The following EPB41L4A variants were observed in gnomAD, a reference collection of about 807,000 sequenced individuals.
EPB41L4A encodes band 4.1-like protein 4A.
In EPB41L4A, 100 loss-of-function variants were observed where a neutral mutation model predicts 108.6. The observed-to-expected ratio is 0.92, with a 90% CI of 0.78 to 1.09. The LOEUF is 1.09. Among genes scored for constraint, EPB41L4A ranks in the 50% least tolerant of loss-of-function variants. The pLI is 0.00. For missense variants in EPB41L4A, 1,030 were observed against 842.7 expected (o/e 1.22, Z -2.75); for synonymous variants, 319 against 289.0 (o/e 1.10, Z -1.05).
At chr5:112,323,592 T>G (rs1425771833) in intron 1 of EPB41L4A, among the ~76,000 whole-genome samples, 1 of 152,108 alleles carries the variant, frequency 6.6e-6, no homozygotes, top group African/African-American at 2.4e-5. Context: ...AAATCTTATT[T>G]TATCAAAAAC....
At chr5:112,246,830 A>G (rs1374844557) in intron 9 of EPB41L4A, among the ~76,000 whole-genome samples, 1 of 152,060 alleles carries the variant, frequency 6.6e-6, no homozygotes, top group Non-Finnish European at 1.5e-5. Flanking sequence ...ATGAATGACT[A>G]TTTTTCCCTA....
chr5:112,283,477 G>A (rs1453843084), intron 2 of EPB41L4A, among the ~76,000 whole-genome samples: 1 of 152,150 alleles, frequency 6.6e-6, no homozygotes, highest in African/African-American at 2.4e-5. Context: ...CAATCAAACA[G>A]AGCACATGGA....
chr5:112,215,591 G>A (rs895436328), intron 12 of EPB41L4A, among the ~76,000 whole-genome samples: 19 of 151,778 alleles, frequency 1.3e-4, no homozygotes, highest in African/African-American at 2.7e-4. Flanking sequence ...GTGAAACCCC[G>A]TCTCTACTAA....
intron 1 of EPB41L4A, among the ~76,000 whole-genome samples, chr5:112,401,787 G>A (rs762901332): frequency 3.3e-5 from 5 of 152,156 alleles, no homozygotes; most frequent in Non-Finnish European, 5.9e-5. Context: ...CCAATGACAG[G>A]TGCATGCAGT....
At chr5:112,399,157 C>A (rs1444067500) in intron 1 of EPB41L4A, among the ~76,000 whole-genome samples, 2 of 152,104 alleles carry the variant, frequency 1.3e-5, no homozygotes, top group African/African-American at 4.8e-5. Flanking sequence ...CACATATCAC[C>A]AGCTCTTTCC....
intron 1 of EPB41L4A, among the ~76,000 whole-genome samples, chr5:112,394,377 G>A (rs1424371502): frequency 6.6e-6 from 1 of 152,198 alleles, no homozygotes; most frequent in Non-Finnish European, 1.5e-5. Flanking sequence ...AAGCTGACAA[G>A]CAACTTCAGC....
chr5:112,266,408 G>A (rs1751861332), intron 4 of EPB41L4A, 78 bp from the exon 5 acceptor site: 2 of 935,846 alleles, frequency 2.1e-6, no homozygotes, highest in Non-Finnish European at 3.2e-6. Context: ...GATAATCAAG[G>A]TTAACAACCA....
intron 13 of EPB41L4A, among the ~76,000 whole-genome samples, chr5:112,144,464 G>C (rs1043230804): frequency 1.3e-5 from 2 of 151,992 alleles, no homozygotes; most frequent in African/African-American, 4.8e-5. Flanking sequence ...TTTTTGTAGA[G>C]ATGAGTTTTG....
At chr5:112,401,539 T>C (rs922077592) in intron 1 of EPB41L4A, among the ~76,000 whole-genome samples, 1 of 152,240 alleles carries the variant, frequency 6.6e-6, no homozygotes, top group Non-Finnish European at 1.5e-5. Flanking sequence ...AATATGTATA[T>C]GGATTGCATA....
At chr5:112,266,598 T>C (rs1396768152) in intron 4 of EPB41L4A, among the ~76,000 whole-genome samples, 1 of 152,218 alleles carries the variant, frequency 6.6e-6, no homozygotes, top group Admixed American at 6.5e-5. Flanking sequence ...TCTGTAGCCT[T>C]AGGCTGCTGC....
chr5:112,150,322 G>A (rs546804622), intron 12 of EPB41L4A, among the ~76,000 whole-genome samples: 44 of 152,164 alleles, frequency 2.9e-4, no homozygotes, highest in African/African-American at 1.1e-3. Flanking sequence ...ACAAGTGACA[G>A]TCAGCTAAAA....
At chr5:112,207,319 A>C (rs1762520931) in intron 13 of EPB41L4A, among the ~76,000 whole-genome samples, 2 of 152,226 alleles carry the variant, frequency 1.3e-5, no homozygotes, top group Admixed American at 6.5e-5. Flanking sequence ...CAAACTATGA[A>C]AATACATCTT....
chr5:112,419,714 G>A (rs576063539), upstream of EPB41L4A: 4 of 456,742 alleles, frequency 8.8e-6, no homozygotes, highest in Admixed American at 4.7e-5. Context: ...AGCCGCAAGC[G>A]CCGAGGAGCC....
At chr5:112,301,504 C>A (rs1190994363) in intron 2 of EPB41L4A, among the ~76,000 whole-genome samples, 1 of 152,162 alleles carries the variant, frequency 6.6e-6, no homozygotes, top group Non-Finnish European at 1.5e-5. Flanking sequence ...TGTGAACCAT[C>A]TTCATGTCTC....
chr5:112,344,218 A>G (rs999780108), intron 1 of EPB41L4A, among the ~76,000 whole-genome samples: 1 of 152,242 alleles, frequency 6.6e-6, no homozygotes, highest in Non-Finnish European at 1.5e-5. Flanking sequence ...CTAAACTTTA[A>G]TTAAACAAGA....
rs1391737936 is a variant in EPB41L4A, at chr5:112,325,593, C to T, written c.100-18103G>A. Among the ~76,000 whole-genome samples the T allele has an allele frequency of 2.0e-5, 3 of 152,256 alleles. No individual in the cohort carries two copies. The East Asian group carries it at 5.8e-4, about 29-fold the overall frequency. On this transcript the variant is annotated intron_variant, in intron 1 of 22. Coordinates refer to ENST00000261486, the MANE Select transcript of EPB41L4A (RefSeq NM_022140.5). Reference sequence around the variant, plus strand: ...TTATGCATCTCTGTATTATTTTTAACTTGTTAACATCATGCTTTAGTAATT... The same window carrying T: ...TTATGCATCTCTGTATTATTTTTAATTTGTTAACATCATGCTTTAGTAATT...
chr5:112,389,964 T>C (rs1052348237), intron 1 of EPB41L4A, among the ~76,000 whole-genome samples: 2 of 152,182 alleles, frequency 1.3e-5, no homozygotes, highest in African/African-American at 4.8e-5. Context: ...ATAAAGGCGG[T>C]TCTACCAATG....
chr5:112,278,077 G>A (rs1055050970), intron 3 of EPB41L4A, among the ~76,000 whole-genome samples: 1 of 152,024 alleles, frequency 6.6e-6, no homozygotes, highest in African/African-American at 2.4e-5. Flanking sequence ...TAAGCATTCT[G>A]GTAACTAGCA....
At chr5:112,327,500 G>A (rs1188719830) in intron 1 of EPB41L4A, among the ~76,000 whole-genome samples, 1 of 152,074 alleles carries the variant, frequency 6.6e-6, no homozygotes, top group Non-Finnish European at 1.5e-5. Context: ...AGAATCACTT[G>A]AGGCAAGGAG....
Sources: gnomAD v4.1 joint callset for allele counts (sites outside exome capture counted in the v4.1 genomes callset) on GRCh38, gnomAD v4.1.1 for gene constraint, MANE v1.5 for transcripts, NCBI Gene and HGNC (gene_info 2026-07-23, HGNC 2026-07-21) for gene names.